Variants in RNF150 observed in about 807,000 individuals in gnomAD.
RNF150 encodes the protein ring finger protein 150.
Under a neutral mutation model 39.3 loss-of-function variants are expected in RNF150, and 24 were observed. The ratio of observed to expected loss-of-function variants is 0.61; its 90% CI spans 0.44 to 0.86. The LOEUF (loss-of-function observed/expected upper bound fraction) is 0.86. RNF150 is among the 40% of genes least tolerant of loss of function. The pLI is 0.00. For synonymous variants in RNF150, 255 were observed against 227.3 expected (o/e 1.12, Z -1.10); for missense variants, 502 against 587.8 (o/e 0.85, Z 1.51).
At chr4:140,961,179 A>G (rs1733008835) in intron 2 of RNF150, among the ~76,000 whole-genome samples, 1 of 152,194 alleles carries the variant, frequency 6.6e-6, no homozygotes, top group Non-Finnish European at 1.5e-5. Context: ...CTTATTCTCC[A>G]TGTTACCATC....
At chr4:141,123,673 G>T (rs1312019165) in intron 1 of RNF150, among the ~76,000 whole-genome samples, 2 of 152,084 alleles carry the variant, frequency 1.3e-5, no homozygotes, top group Admixed American at 1.3e-4. Flanking sequence ...TTTACATTAG[G>T]TATATCTCCT....
At chr4:141,023,236 T>C (rs1212589155) in intron 1 of RNF150, among the ~76,000 whole-genome samples, 1 of 151,908 alleles carries the variant, frequency 6.6e-6, no homozygotes, top group East Asian at 1.9e-4. Flanking sequence ...ATGATGATGA[T>C]GATGATGATG....
At chr4:141,004,477 G>A (rs1578621645) in intron 1 of RNF150, among the ~76,000 whole-genome samples, 1 of 152,106 alleles carries the variant, frequency 6.6e-6, no homozygotes, top group African/African-American at 2.4e-5. Flanking sequence ...ATAACCTCTC[G>A]AACTCTAAAG....
intron 4 of RNF150, among the ~76,000 whole-genome samples, chr4:140,934,753 G>A (rs1054493166): frequency 2.0e-5 from 3 of 151,620 alleles, no homozygotes; most frequent in African/African-American, 4.8e-5. Flanking sequence ...AATAAGTGTG[G>A]CTATGGTGTC....
In RNF150 at chr4:140,863,111, C is replaced by CG. The variant is rs1160410675; in HGVS notation, c.*5149dup. 6.6e-6 allele frequency: 1 copy of CG among 152,116 alleles called. No homozygotes were observed. Among genetic ancestry groups the CG allele is most frequent in the Non-Finnish European group, 1.5e-5 (1 of 68,038 alleles). The allele number at this position is 152,116 out of a possible 1,614,324, so 9.4% of individuals were successfully genotyped here. ...GAATTAGTGGCCCTCAGATCACTTA[C>CG]GATGAGCAAGCACTTGTGCTAAGTA... On this transcript the variant is annotated 3_prime_UTR_variant, in exon 7 of 7. Coordinates refer to ENST00000515673, the MANE Select transcript of RNF150 (RefSeq NM_020724.2).
chr4:141,113,470 T>C (rs1739456479), intron 1 of RNF150, among the ~76,000 whole-genome samples: 1 of 152,056 alleles, frequency 6.6e-6, no homozygotes, highest in Admixed American at 6.6e-5. Flanking sequence ...AAGGGCTAAC[T>C]ATCCTAAATA....
At chr4:140,935,197 CAAAG>C (rs1731817201) in intron 4 of RNF150, among the ~76,000 whole-genome samples, 1 of 150,222 alleles carries the variant, frequency 6.7e-6, no homozygotes, top group Non-Finnish European at 1.5e-5. Context: ...CTTAAAAAAA[CAAAG>C]AAAGGATATC....
intron 2 of RNF150, among the ~76,000 whole-genome samples, chr4:140,953,767 A>G (rs1047800284): frequency 6.6e-6 from 1 of 152,232 alleles, no homozygotes; most frequent in South Asian, 2.1e-4. Context: ...CACTTTCAAT[A>G]ATTTTCAAAC....
At chr4:141,124,593 GA>G (rs1219827649) in intron 1 of RNF150, among the ~76,000 whole-genome samples, 1 of 152,162 alleles carries the variant, frequency 6.6e-6, no homozygotes, top group African/African-American at 2.4e-5. Context: ...TGGTCCAGAT[GA>G]ATATTTGCTG....
At chr4:140,871,517 C>T (rs1224677372) in intron 6 of RNF150, among the ~76,000 whole-genome samples, 1 of 152,118 alleles carries the variant, frequency 6.6e-6, no homozygotes, top group Non-Finnish European at 1.5e-5. Flanking sequence ...CACTTCTTTT[C>T]TTGCAGTGGC....
In RNF150 at chr4:140,861,826, G is replaced by A. The variant is rs1728504320; in HGVS notation, c.*6435C>T. 6.6e-6 allele frequency: 1 copy of A among 152,178 alleles called. No individual in the cohort carries two copies. 9.4% of individuals were successfully genotyped at this position (152,178 alleles called of 1,614,324 possible). A position where few individuals can be genotyped will look rare whatever the true frequency, so the allele number is the denominator to read the frequency against. ...AGCGCTAGATTTGTTGGAAAGTTTT[G>A]AAGGAAAAGGGGACTAAACACTAGA... On this transcript the variant is annotated 3_prime_UTR_variant, in exon 7 of 7. Transcript: ENST00000515673.
At chr4:141,020,188 G>T (rs753764590) in intron 1 of RNF150, among the ~76,000 whole-genome samples, 1 of 151,396 alleles carries the variant, frequency 6.6e-6, no homozygotes, top group African/African-American at 2.4e-5. Context: ...GTTTTAGCTT[G>T]ACTGCTCCAT....
At chr4:141,084,300 A>G in intron 1 of RNF150, among the ~76,000 whole-genome samples, 1 of 152,256 alleles carries the variant, frequency 6.6e-6, no homozygotes, top group Non-Finnish European at 1.5e-5. Flanking sequence ...TTCAAGCTAT[A>G]TATTCTGAAA....
chr4:140,927,070 ATTT>A (rs1731427943), intron 4 of RNF150, among the ~76,000 whole-genome samples: 1 of 152,080 alleles, frequency 6.6e-6, no homozygotes, highest in Non-Finnish European at 1.5e-5. Context: ...CAAAAACCTC[ATTT>A]GCCTTGTGTT....
intron 4 of RNF150, among the ~76,000 whole-genome samples, chr4:140,927,595 T>C (rs1352012307): frequency 2.0e-5 from 3 of 152,148 alleles, no homozygotes; most frequent in South Asian, 4.1e-4. Context: ...GCCAGCATCA[T>C]GCTTCCTATA....
chr4:140,959,638 G>A (rs1732934694), intron 2 of RNF150, among the ~76,000 whole-genome samples: 1 of 152,122 alleles, frequency 6.6e-6, no homozygotes, highest in African/African-American at 2.4e-5. Flanking sequence ...GGGTGGCTGT[G>A]GAACAGTTAA....
intron 6 of RNF150, among the ~76,000 whole-genome samples, chr4:140,905,618 C>T (rs1457281585): frequency 6.6e-6 from 1 of 152,140 alleles, no homozygotes; most frequent in Non-Finnish European, 1.5e-5. Context: ...GAATCCTGCT[C>T]CTCTAGTGAA....
Position 140,861,670 on chromosome 4 carries a change from A to C in RNF150, c.*6591T>G, listed in dbSNP as rs1728496666. 1 of 152,248 alleles carries C rather than the reference A, an allele frequency of 6.6e-6. No homozygotes were observed. Among genetic ancestry groups the C allele is most frequent in the Non-Finnish European group, 1.5e-5 (1 of 68,046 alleles). 9.4% of individuals were successfully genotyped at this position (152,248 alleles called of 1,614,324 possible). ...CAACTGCTCTACTATACCCATTAGT[A>C]CAGGCAACAGTTTTGTATCTTCTTC... On this transcript the variant is annotated 3_prime_UTR_variant, in exon 7 of 7. Transcript: ENST00000515673.
At chr4:140,980,413 T>C (rs908513177) in intron 1 of RNF150, among the ~76,000 whole-genome samples, 2 of 152,132 alleles carry the variant, frequency 1.3e-5, no homozygotes, top group Non-Finnish European at 2.9e-5. Flanking sequence ...CACAGTATCA[T>C]GGATCTAATG....
Sources: allele counts gnomAD v4.1 joint callset (sites outside exome capture counted in the v4.1 genomes callset), GRCh38; gene constraint gnomAD v4.1.1; transcripts MANE v1.5; gene names NCBI Gene and HGNC (gene_info 2026-07-23, HGNC 2026-07-21).